SLC1A1: variants seen among roughly 807,000 people sequenced by gnomAD.
SLC1A1 encodes the protein solute carrier family 1 member 1, also known as excitatory amino acid transporter 3.
Under a neutral mutation model 53.3 loss-of-function variants are expected in SLC1A1, and 43 were observed. That is an observed-to-expected ratio of 0.81 (90% CI 0.63 to 1.04). SLC1A1 has a LOEUF of 1.04. Among genes scored for constraint, SLC1A1 ranks in the 50% least tolerant of loss-of-function variants. The probability of loss-of-function intolerance (pLI) is 0.00; values close to 1 mark genes in which losing one functional copy is unlikely to be tolerated. For missense variants in SLC1A1, 748 were observed against 664.9 expected (o/e 1.12, Z -1.37); for synonymous variants, 307 against 243.2 (o/e 1.26, Z -2.44).
At chr9:4,580,633 G>GTC in intron 10 of SLC1A1, among the ~76,000 whole-genome samples, 1 of 135,398 alleles carries the variant, frequency 7.4e-6, no homozygotes, top group South Asian at 2.4e-4. Context: ...GTGTGTGTGT[G>GTC]TGTGTGTGTG....
At chr9:4,580,942 A>T (rs1821043209) in intron 10 of SLC1A1, among the ~76,000 whole-genome samples, 1 of 152,130 alleles carries the variant, frequency 6.6e-6, no homozygotes, top group Admixed American at 6.5e-5. Context: ...ACGTGTGCAG[A>T]ACATGCAGGT....
intron 8 of SLC1A1, among the ~76,000 whole-genome samples, chr9:4,575,094 T>C (rs1820421452): frequency 6.6e-6 from 1 of 152,200 alleles, no homozygotes; most frequent in African/African-American, 2.4e-5. Context: ...GTTTCTATTC[T>C]CTTACCCCAG....
chr9:4,495,576 C>T (rs556866318), intron 1 of SLC1A1, among the ~76,000 whole-genome samples: 7 of 151,712 alleles, frequency 4.6e-5, no homozygotes, highest in African/African-American at 9.7e-5. Flanking sequence ...TGAATCAAGA[C>T]GGAGGAGAGG....
At chr9:4,546,690 T>C (rs1035383287) in intron 2 of SLC1A1, among the ~76,000 whole-genome samples, 1 of 152,154 alleles carries the variant, frequency 6.6e-6, no homozygotes, top group African/African-American at 2.4e-5. Context: ...AAACATGGGG[T>C]CTTGATATGT....
intron 2 of SLC1A1, among the ~76,000 whole-genome samples, chr9:4,559,374 C>T (rs944181082): frequency 1.3e-5 from 2 of 152,096 alleles, no homozygotes; most frequent in Non-Finnish European, 2.9e-5. Context: ...GCCAGAGCAC[C>T]TTCTCTCAAA....
Position 4,538,385 on chromosome 9 carries a change from G to A in SLC1A1, c.92-6182G>A, listed in dbSNP as rs562088129. Among the ~76,000 whole-genome samples, 8 of 152,338 alleles carry A rather than the reference G, an allele frequency of 5.3e-5. No individual in the cohort carries two copies. In the South Asian group the frequency reaches 1.4e-3, roughly 28 times the overall value. On this transcript the variant is annotated intron_variant, in intron 1 of 11. Transcript: ENST00000262352. ...TTTCTGATTAGCCTTTCCAAAGGAGGCAATGAGATATAAAATTATCTTTGA... is the reference window on the plus strand; with the variant it reads ...TTTCTGATTAGCCTTTCCAAAGGAGACAATGAGATATAAAATTATCTTTGA...
At chr9:4,548,084 G>C (rs994281301) in intron 2 of SLC1A1, among the ~76,000 whole-genome samples, 1 of 152,122 alleles carries the variant, frequency 6.6e-6, no homozygotes, top group African/African-American at 2.4e-5. Context: ...TTTTTGTTTG[G>C]TTTGTATTTT....
chr9:4,496,420 T>C (rs928222368), intron 1 of SLC1A1, among the ~76,000 whole-genome samples: 15 of 152,030 alleles, frequency 9.9e-5, no homozygotes, highest in African/African-American at 3.4e-4. Flanking sequence ...GGGTCTCGTT[T>C]TGTTGCCCAG....
chr9:4,490,888 C>T, intron 1 of SLC1A1, 118 bp downstream of exon 1: 1 of 798,676 alleles, frequency 1.3e-6, no homozygotes, highest in Non-Finnish European at 2.1e-6. Flanking sequence ...CCTCGATGCC[C>T]CCTCGGCCTT....
chr9:4,527,221 C>A (rs563695132), intron 1 of SLC1A1, among the ~76,000 whole-genome samples: 26 of 152,104 alleles, frequency 1.7e-4, no homozygotes, highest in Non-Finnish European at 3.7e-4. Context: ...TGGAAGAGAA[C>A]CCTAAGCTCC....
At chr9:4,507,204 C>T (rs531739499) in intron 1 of SLC1A1, among the ~76,000 whole-genome samples, 1 of 151,988 alleles carries the variant, frequency 6.6e-6, no homozygotes, top group African/African-American at 2.4e-5. Context: ...CACTGCACTC[C>T]AGCCTGGGTG....
At chr9:4,576,261 C>A in intron 9 of SLC1A1, 138 bp downstream of exon 9, 1 of 841,498 alleles carries the variant, frequency 1.2e-6, no homozygotes, top group African/African-American at 1.7e-5. Flanking sequence ...CGGCCCCTGG[C>A]CCTGAACACA....
chr9:4,530,938 C>G (rs1340236742), intron 1 of SLC1A1, among the ~76,000 whole-genome samples: 5 of 152,140 alleles, frequency 3.3e-5, no homozygotes, highest in Non-Finnish European at 5.9e-5. Flanking sequence ...CCTCTTTGGT[C>G]GCTAGGAAAA....
intron 2 of SLC1A1, among the ~76,000 whole-genome samples, chr9:4,557,924 G>A (rs1818573748): frequency 6.6e-6 from 1 of 152,126 alleles, no homozygotes; most frequent in Non-Finnish European, 1.5e-5. Flanking sequence ...ATGGTACTTA[G>A]CCTTTCTGAG....
At chr9:4,490,905 G>C (rs1820211234) in intron 1 of SLC1A1, 135 bp downstream of exon 1, 2 of 713,682 alleles carry the variant, frequency 2.8e-6, no homozygotes, top group East Asian at 2.8e-5. Flanking sequence ...CCTTAGCCTC[G>C]GGCCCCCTGC....
intron 1 of SLC1A1, among the ~76,000 whole-genome samples, chr9:4,515,576 A>G (rs1296759317): frequency 6.6e-6 from 1 of 152,202 alleles, no homozygotes; most frequent in East Asian, 1.9e-4. Context: ...GTGCTGCCCA[A>G]GAAGAGGGTG....
intron 1 of SLC1A1, among the ~76,000 whole-genome samples, chr9:4,504,800 A>G (rs964419918): frequency 6.6e-6 from 1 of 152,188 alleles, no homozygotes; most frequent in African/African-American, 2.4e-5. Context: ...GTAAGCTTTT[A>G]TATTTAATAT....
At chr9:4,518,486 C>G (rs556714095) in intron 1 of SLC1A1, among the ~76,000 whole-genome samples, 1 of 152,070 alleles carries the variant, frequency 6.6e-6, no homozygotes, top group Non-Finnish European at 1.5e-5. Context: ...CCCACTTTAG[C>G]TTCCCTAATA....
At chr9:4,498,904 A>G (rs1237083336) in intron 1 of SLC1A1, among the ~76,000 whole-genome samples, 1 of 147,178 alleles carries the variant, frequency 6.8e-6, no homozygotes, top group Non-Finnish European at 1.5e-5. Flanking sequence ...TGTATATATT[A>G]CATGTATACA....
Sources: allele counts gnomAD v4.1 joint callset (sites outside exome capture counted in the v4.1 genomes callset), GRCh38; gene constraint gnomAD v4.1.1; transcripts MANE v1.5; gene names NCBI Gene and HGNC (gene_info 2026-07-23, HGNC 2026-07-21).